Variants in UROS observed in about 807,000 individuals in gnomAD.
UROS encodes uroporphyrinogen-III synthase.
A neutral mutation model predicts 33.0 loss-of-function variants in UROS; 18 were observed. The observed-to-expected ratio is 0.55, with a 90% CI of 0.38 to 0.81. The LOEUF is 0.81. Ranked by LOEUF, UROS falls within the 30% of genes least tolerant of loss-of-function variation. The probability of loss-of-function intolerance (pLI) is 0.00; values close to 1 mark genes in which losing one functional copy is unlikely to be tolerated. For synonymous variants in UROS, 114 were observed against 121.1 expected (o/e 0.94, Z 0.38); for missense variants, 293 against 314.9 (o/e 0.93, Z 0.53).
At chr10:125,786,274 G>T (rs1358717691), downstream of UROS, among the ~76,000 whole-genome samples, 1 of 150,446 alleles carries the variant, frequency 6.6e-6, no homozygotes, top group Non-Finnish European at 1.5e-5. Flanking sequence ...ATTTGCACAT[G>T]AACCTTTTTT....
At chr10:125,804,560 C>T (rs888308688) in intron 6 of UROS, among the ~76,000 whole-genome samples, 6 of 152,172 alleles carry the variant, frequency 3.9e-5, no homozygotes, top group African/African-American at 1.4e-4. Context: ...CCTCAGCATC[C>T]AATACTTGTA....
intron 4 of UROS, among the ~76,000 whole-genome samples, chr10:125,814,797 T>C (rs561378845): frequency 1.0e-3 from 156 of 152,286 alleles, no homozygotes; most frequent in Middle Eastern, 6.8e-3. Context: ...TAAGGGGATA[T>C]ATCAGTCCCT....
intron 6 of UROS, among the ~76,000 whole-genome samples, chr10:125,800,584 C>T (rs1363646823): frequency 7.0e-6 from 1 of 142,104 alleles, no homozygotes; most frequent in African/African-American, 2.6e-5. Context: ...TTTTTTGTGA[C>T]GGAGTCTCAC....
At chr10:125,794,843 A>G in intron 9 of UROS, 37 bp downstream of exon 9, 1 of 1,551,254 alleles carries the variant, frequency 6.4e-7, no homozygotes, top group Non-Finnish European at 8.8e-7. Context: ...AAAAAAAAAG[A>G]ATCTGAAAAA....
chr10:125,803,114 T>A, intron 6 of UROS: 1 of 1,584,566 alleles, frequency 6.3e-7, no homozygotes, highest in Non-Finnish European at 8.6e-7. Flanking sequence ...AGCTTTGGAG[T>A]CAGCCAGTCC....
At chr10:125,811,480 A>G (rs940311200) in intron 5 of UROS, among the ~76,000 whole-genome samples, 3 of 152,238 alleles carry the variant, frequency 2.0e-5, no homozygotes, top group Admixed American at 1.3e-4. Context: ...CATGCTGCTC[A>G]GAAGATCTAG....
At position 125,788,966 on chromosome 10, in the gene UROS, C is replaced by T. The variant is rs143947596; in HGVS notation, c.700G>A (p.Ala234Thr). ...IGPTTARALA[A>T]QGLPVSCTAE... ...GTGCAGCTTACAGGAAGGCCCTGGG[C>T]GGCCAGCGCGCGAGCCGTAGTGGGG... Residue 234 changes from alanine to threonine, a missense_variant, in exon 10 of 10, where the codon GCC (alanine) becomes ACC (threonine). By Grantham distance (58) the Ala-to-Thr change is moderately conservative. Coordinates refer to ENST00000368797, the MANE Select transcript of UROS (RefSeq NM_000375.3). 278 of 1,611,756 alleles carry T rather than the reference C, an allele frequency of 1.7e-4. No individual in the cohort carries two copies. The African/African-American group carries it at 1.8e-3, about 10-fold the overall frequency.
chr10:125,796,869 T>C, intron 7 of UROS: 1 of 985,298 alleles, frequency 1.0e-6, no homozygotes, highest in Non-Finnish European at 1.2e-6. Flanking sequence ...CTTCTGAAAA[T>C]AAAATGGGAA....
At chr10:125,814,894 C>T in intron 4 of UROS, 140 bp downstream of exon 4, 1 of 969,896 alleles carries the variant, frequency 1.0e-6, no homozygotes, top group Non-Finnish European at 1.6e-6. Flanking sequence ...TCTCCTGTTT[C>T]CCAAGGCAGA....
At chr10:125,815,266 C>G in intron 3 of UROS, 136 bp from the exon 4 acceptor site, 1 of 932,674 alleles carries the variant, frequency 1.1e-6, no homozygotes, top group Non-Finnish European at 1.7e-6. Flanking sequence ...CCCCCCAACA[C>G]TTACTGAGTG....
chr10:125,795,542 GAGTCCTCCAAC>G (rs982722283), intron 8 of UROS, among the ~76,000 whole-genome samples: 8 of 152,296 alleles, frequency 5.3e-5, no homozygotes, highest in Admixed American at 4.6e-4. Context: ...TCTCCTGCCT[GAGTCCTCCAAC>G]AGTCCCCACG....
intron 9 of UROS, chr10:125,789,236 G>C (rs1003123371): frequency 2.1e-5 from 30 of 1,432,684 alleles, no homozygotes; most frequent in Middle Eastern, 1.9e-4. Context: ...ACTGTCGCCA[G>C]GCTCAGGTGA....
chr10:125,800,451 A>C (rs1308868837), intron 6 of UROS, among the ~76,000 whole-genome samples: 2 of 152,162 alleles, frequency 1.3e-5, no homozygotes, highest in East Asian at 3.9e-4. Flanking sequence ...CACCTTACGC[A>C]GGGGAGGAGC....
intron 5 of UROS, among the ~76,000 whole-genome samples, chr10:125,810,254 A>C (rs952830353): frequency 6.6e-6 from 1 of 152,176 alleles, no homozygotes; most frequent in African/African-American, 2.4e-5. Flanking sequence ...TGCCACTTCC[A>C]AGATTAGGTT....
At chr10:125,795,105 T>G in intron 8 of UROS, 127 bp from the exon 9 acceptor site, 4 of 813,938 alleles carry the variant, frequency 4.9e-6, no homozygotes, top group Non-Finnish European at 8.4e-6. Context: ...CAGGAGTGGT[T>G]CCCGGCTGAT....
intron 1 of UROS, among the ~76,000 whole-genome samples, chr10:125,822,677 C>T (rs1484504002): frequency 6.6e-6 from 1 of 152,130 alleles, no homozygotes; most frequent in Non-Finnish European, 1.5e-5. Context: ...AGGCTGGTCT[C>T]GAACTCCTGA....
At chr10:125,800,539 T>C (rs774642948) in intron 6 of UROS, among the ~76,000 whole-genome samples, 6 of 151,562 alleles carry the variant, frequency 4.0e-5, no homozygotes, top group Non-Finnish European at 7.4e-5. Context: ...TCCCTCTCTT[T>C]GTTGAGAGCT....
At position 125,823,197 on chromosome 10, in the gene UROS, G is replaced by T. The variant is rs1227442865; in HGVS notation, c.-195C>A. On this transcript the variant is annotated 5_prime_UTR_variant, in exon 1 of 10. Transcript: ENST00000368797. ...GGCGGCCACCCGCGCCGGGCCCCAG[G>T]ACCCCGCACCTCAGACTGGGGTCGC... 2 of 189,048 alleles carry T rather than the reference G, an allele frequency of 1.1e-5. No individual in the cohort carries two copies. Among genetic ancestry groups the T allele is most frequent in the Non-Finnish European group, 2.2e-5 (2 of 91,736 alleles). 11.7% of individuals were successfully genotyped at this position (189,048 alleles called of 1,614,324 possible).
intron 5 of UROS, among the ~76,000 whole-genome samples, chr10:125,809,123 G>T (rs1056591485): frequency 6.6e-6 from 1 of 152,228 alleles, no homozygotes; most frequent in African/African-American, 2.4e-5. Context: ...TGTTATTTCT[G>T]GTAGAGAAGA....
Sources: allele counts gnomAD v4.1 joint callset (sites outside exome capture counted in the v4.1 genomes callset), GRCh38; gene constraint gnomAD v4.1.1; transcripts MANE v1.5; gene names NCBI Gene and HGNC (gene_info 2026-07-23, HGNC 2026-07-21).